The following PUDP variants were observed in gnomAD, a reference collection of about 807,000 sequenced individuals.
PUDP encodes pseudouridine-5'-phosphatase.
PUDP carries 8 observed loss-of-function variants against 9.4 expected under a neutral mutation model. That is an observed-to-expected ratio of 0.85 (90% CI 0.50 to 1.53). PUDP has a LOEUF of 1.53. Ranked by LOEUF, PUDP falls within the 40% of genes most tolerant of loss-of-function variation. The pLI is 0.00. For synonymous variants in PUDP, 99 were observed against 80.7 expected, an observed-to-expected ratio of 1.23 and a Z score of -1.22; for missense variants, 188 against 189.7, an observed-to-expected ratio of 0.99 and a Z score of 0.05.
intron 3 of PUDP, among the ~76,000 whole-genome samples, chrX:6,914,566 A>G (rs749940297): frequency 8.9e-6 from 1 of 112,305 alleles, no homozygotes; most frequent in East Asian, 2.8e-4. Flanking sequence ...CCTCGAATTT[A>G]TTCAAATTGC....
At chrX:7,042,718 A>G (rs1367145382) in intron 1 of PUDP, among the ~76,000 whole-genome samples, 1 of 110,743 alleles carries the variant, frequency 9.0e-6, no homozygotes, top group East Asian at 2.9e-4. Context: ...CTGTGTTCTA[A>G]TTTTTCAGAA....
chrX:7,052,440 G>T (rs940886916), intron 3 of PUDP, among the ~76,000 whole-genome samples: 1 of 111,935 alleles, frequency 8.9e-6, no homozygotes, highest in Non-Finnish European at 1.9e-5. Flanking sequence ...GAAGCCTGAT[G>T]CCAGGTCTGA....
At chrX:7,035,232 A>T (rs1332038511) in intron 1 of PUDP, among the ~76,000 whole-genome samples, 1 of 111,879 alleles carries the variant, frequency 8.9e-6, no homozygotes, top group Non-Finnish European at 1.9e-5. Context: ...ATATGGGTTT[A>T]TTACTAAATA....
intron 1 of PUDP, among the ~76,000 whole-genome samples, chrX:6,992,224 A>C (rs776822208): frequency 9.3e-6 from 1 of 107,576 alleles, no homozygotes; most frequent in East Asian, 2.9e-4. Flanking sequence ...ATAGAGCTAC[A>C]TTCTGAACAT....
At chrX:7,125,702 T>C (rs1014982904) in intron 1 of PUDP, among the ~76,000 whole-genome samples, 1 of 111,988 alleles carries the variant, frequency 8.9e-6, no homozygotes, top group Non-Finnish European at 1.9e-5. Flanking sequence ...TCCACGTGGC[T>C]GGGGAGGCCT....
chrX:6,723,262 A>G (rs1226254901), upstream of PUDP, among the ~76,000 whole-genome samples: 1 of 71,519 alleles, frequency 1.4e-5, no homozygotes, highest in African/African-American at 7.3e-5. Flanking sequence ...AAAAACGAAC[A>G]AAAAACAATA....
intron 1 of PUDP, among the ~76,000 whole-genome samples, chrX:6,985,759 A>G (rs1340443844): frequency 9.0e-6 from 1 of 111,351 alleles, no homozygotes; most frequent in Non-Finnish European, 1.9e-5. Context: ...CTCAGTGCCC[A>G]CCTTCCTGGA....
chrX:7,126,233 G>A (rs1932483666), intron 1 of PUDP, among the ~76,000 whole-genome samples: 1 of 111,115 alleles, frequency 9.0e-6, no homozygotes, highest in East Asian at 2.8e-4. Flanking sequence ...GTGCTGGTGG[G>A]GGTGGAGGAA....
At chrX:6,789,697 G>C (rs1213222669) in intron 3 of PUDP, among the ~76,000 whole-genome samples, 1 of 109,640 alleles carries the variant, frequency 9.1e-6, no homozygotes, top group Non-Finnish European at 1.9e-5. Context: ...GGGAAGGAAA[G>C]AAGGAGGAAA....
chrX:7,025,687 C>T (rs1489993646), intron 1 of PUDP, among the ~76,000 whole-genome samples: 1 of 111,821 alleles, frequency 8.9e-6, no homozygotes, highest in Non-Finnish European at 1.9e-5. Context: ...TTGTTAACCC[C>T]AAGGGAGACA....
chrX:6,879,780 C>T (rs916162661), intron 3 of PUDP, among the ~76,000 whole-genome samples: 1 of 111,514 alleles, frequency 9.0e-6, no homozygotes, highest in Non-Finnish European at 1.9e-5. Context: ...ATGGGGGTCT[C>T]TTCTGTGCAT....
At chrX:6,802,780 G>A (rs1024873508) in intron 3 of PUDP, among the ~76,000 whole-genome samples, 2 of 108,942 alleles carry the variant, frequency 1.8e-5, no homozygotes, top group Non-Finnish European at 1.9e-5. Context: ...AGCTAATCCA[G>A]AGGCTGAGGT....
chrX:6,772,991 A>T (rs970112121), intron 3 of PUDP, among the ~76,000 whole-genome samples: 1 of 112,344 alleles, frequency 8.9e-6, no homozygotes, highest in Non-Finnish European at 1.9e-5. Flanking sequence ...TTTCATCTGG[A>T]TAGCTTTATT....
intron 3 of PUDP, among the ~76,000 whole-genome samples, chrX:6,911,039 G>A (rs745674973): frequency 1.8e-5 from 2 of 112,145 alleles, no homozygotes; most frequent in South Asian, 7.4e-4. Flanking sequence ...ATGTATGCAT[G>A]TGGAACATTC....
chrX:6,913,965 A>G (rs1927886082), intron 3 of PUDP, among the ~76,000 whole-genome samples: 1 of 110,459 alleles, frequency 9.1e-6, no homozygotes, highest in Non-Finnish European at 1.9e-5. Context: ...CAGGAGGTAG[A>G]GACCATCCTG....
At chrX:6,999,814 T>TA (rs1165472554) in intron 1 of PUDP, among the ~76,000 whole-genome samples, 45 of 102,444 alleles carry the variant, frequency 4.4e-4, no homozygotes, top group East Asian at 1.5e-3. Flanking sequence ...ATTTAAAAAT[T>TA]AAAAAAAAAA....
chrX:6,984,906 CAT>C (rs199525871), intron 1 of PUDP, among the ~76,000 whole-genome samples: 1,121 of 111,995 alleles, frequency 0.01, 47 homozygotes, highest in Admixed American at 0.079. Context: ...CCACTGAAAG[CAT>C]AGAGTCAAGA....
chrX:6,718,361 G>A (rs189632759), intron 1 of PUDP, among the ~76,000 whole-genome samples: 102 of 112,136 alleles, frequency 9.1e-4, no homozygotes, highest in East Asian at 6.1e-3. Flanking sequence ...ATCAACAGAG[G>A]ACTGAATAAA....
intron 1 of PUDP, among the ~76,000 whole-genome samples, chrX:7,138,919 T>G (rs922138792): frequency 1.8e-5 from 2 of 111,916 alleles, no homozygotes; most frequent in Non-Finnish European, 3.8e-5. Context: ...TAATACAGTC[T>G]TTGCTTGATA....
Sources: allele counts gnomAD v4.1 joint callset (sites outside exome capture counted in the v4.1 genomes callset), GRCh38; gene constraint gnomAD v4.1.1; transcripts MANE v1.5; gene names NCBI Gene and HGNC (gene_info 2026-07-23, HGNC 2026-07-21).